The following VRK2 variants were observed in gnomAD, a reference collection of about 807,000 sequenced individuals.
The protein encoded by VRK2 is VRK serine/threonine kinase 2.
Under a neutral mutation model 57.6 loss-of-function variants are expected in VRK2, and 60 were observed. The observed-to-expected ratio is 1.04, with a 90% CI of 0.85 to 1.29. The LOEUF (loss-of-function observed/expected upper bound fraction) is 1.29, where lower values mean the gene tolerates loss of function less well. Among genes scored for constraint, VRK2 ranks in the 50% most tolerant of loss-of-function variants. The pLI, the probability that VRK2 is intolerant of heterozygous loss-of-function variation, is 0.00. For missense variants in VRK2, 705 were observed against 588.1 expected (o/e 1.20, Z -2.06); for synonymous variants, 231 against 199.2 (o/e 1.16, Z -1.35).
intron 3 of VRK2, among the ~76,000 whole-genome samples, chr2:58,038,150 G>A (rs1474995781): frequency 6.6e-6 from 1 of 152,128 alleles, no homozygotes; most frequent in Non-Finnish European, 1.5e-5. Context: ...ATCCTCAGGT[G>A]TTGAGGGAGA....
intron 2 of VRK2, among the ~76,000 whole-genome samples, chr2:58,083,394 T>C (rs1049270876): frequency 5.9e-5 from 9 of 151,842 alleles, no homozygotes; most frequent in African/African-American, 1.9e-4. Context: ...GATTAATTTG[T>C]TTTAAAATGT....
intron 8 of VRK2, among the ~76,000 whole-genome samples, chr2:58,125,007 G>A (rs1444378778): frequency 6.6e-6 from 1 of 152,046 alleles, no homozygotes; most frequent in Non-Finnish European, 1.5e-5. Context: ...AGAAATGTAA[G>A]AATTAAATAT....
At chr2:58,113,365 A>G (rs895148230) in intron 7 of VRK2, among the ~76,000 whole-genome samples, 2 of 151,966 alleles carry the variant, frequency 1.3e-5, no homozygotes, top group African/African-American at 4.8e-5. Flanking sequence ...ACTTCCCTTA[A>G]TCAGATGATG....
chr2:58,098,585 A>G (rs571798615), intron 7 of VRK2, among the ~76,000 whole-genome samples: 10 of 152,070 alleles, frequency 6.6e-5, no homozygotes, highest in East Asian at 5.8e-4. Flanking sequence ...AGTATTTACT[A>G]TAGTAACATG....
chr2:58,003,685 T>C (rs764846763), intron 1 of VRK2, among the ~76,000 whole-genome samples: 6 of 152,176 alleles, frequency 3.9e-5, no homozygotes, highest in Non-Finnish European at 8.8e-5. Context: ...GTGCATTGCA[T>C]TCTCAAAAGC....
chr2:58,126,934 G>A lies in VRK2; in HGVS notation c.676+3701G>A, dbSNP rs531999375. 6.6e-5 allele frequency among the ~76,000 whole-genome samples: 10 copies of A among 152,124 alleles called. No homozygotes were observed. The East Asian group carries it at 1.4e-3, about 21-fold the overall frequency. ...ATTTTTGTAGATTTTTCTACTCACT[G>A]AGGCATGCAGTCAATACCTAATTTC... On this transcript the variant is annotated intron_variant, in intron 8 of 12. Transcript: ENST00000340157.
chr2:58,137,248 T>TG (rs1680663488), intron 10 of VRK2, among the ~76,000 whole-genome samples: 2 of 135,264 alleles, frequency 1.5e-5, no homozygotes, highest in African/African-American at 6.3e-5. Context: ...ATATCATATA[T>TG]ATGATATATA....
chr2:57,921,290 A>ATG (rs1558493560), intron 1 of VRK2, among the ~76,000 whole-genome samples: 1 of 143,994 alleles, frequency 6.9e-6, no homozygotes, highest in Non-Finnish European at 1.5e-5. Flanking sequence ...AAGCGCGCAC[A>ATG]CACACACACA....
intron 2 of VRK2, among the ~76,000 whole-genome samples, chr2:58,062,818 T>C (rs138041312): frequency 1.3e-5 from 2 of 152,180 alleles, no homozygotes; most frequent in Non-Finnish European, 2.9e-5. Context: ...CAAGTGCTGA[T>C]GTAGAAGCTG....
chr2:57,949,235 T>C lies in VRK2; in HGVS notation c.-439+41396T>C, dbSNP rs1422611030. On this transcript the variant is annotated intron_variant, in intron 1 of 15. Coordinates refer to the VRK2 transcript ENST00000417641. The stretch of plus-strand genomic sequence containing the variant: ...GCTCTGATAATGATTACAAGTTATA[T>C]TCAGGTATACCCTGTTTTATTGCAC... 3.3e-5 allele frequency among the ~76,000 whole-genome samples: 5 copies of C among 152,214 alleles called. No homozygotes were observed. The East Asian group carries it at 9.6e-4, about 29-fold the overall frequency.
intron 1 of VRK2, among the ~76,000 whole-genome samples, chr2:57,997,764 G>A (rs77662793): frequency 0.042 from 6,375 of 152,092 alleles, 429 homozygotes; most frequent in African/African-American, 0.15. Flanking sequence ...CAATGGTGGG[G>A]TGCGCCTGTG....
At chr2:58,084,636 A>G (rs1671357812) in intron 3 of VRK2, among the ~76,000 whole-genome samples, 1 of 151,818 alleles carries the variant, frequency 6.6e-6, no homozygotes, top group Non-Finnish European at 1.5e-5. Flanking sequence ...CTGTAAGAAA[A>G]CTACTTTTAT....
intron 1 of VRK2, among the ~76,000 whole-genome samples, chr2:58,025,472 T>C (rs1027195794): frequency 3.3e-5 from 5 of 152,174 alleles, no homozygotes; most frequent in Non-Finnish European, 7.4e-5. Flanking sequence ...AAGAGAATCA[T>C]AGGCTAGTTT....
At chr2:58,028,684 A>C (rs1359225782) in intron 2 of VRK2, among the ~76,000 whole-genome samples, 1 of 151,364 alleles carries the variant, frequency 6.6e-6, no homozygotes, top group East Asian at 2.0e-4. Context: ...GGAACTGAAC[A>C]ATGAGAACAC....
intron 1 of VRK2, among the ~76,000 whole-genome samples, chr2:58,008,226 C>A (rs1673313150): frequency 6.6e-6 from 1 of 151,756 alleles, no homozygotes; most frequent in African/African-American, 2.4e-5. Flanking sequence ...ACACTAGGGT[C>A]AAATAAGATC....
chr2:58,039,357 T>G (rs1337134846), intron 3 of VRK2, among the ~76,000 whole-genome samples: 1 of 152,168 alleles, frequency 6.6e-6, no homozygotes, highest in African/African-American at 2.4e-5. Flanking sequence ...CAGTCTCAGT[T>G]ATCTCAGAGC....
chr2:57,910,938 G>A (rs559238371), intron 1 of VRK2, among the ~76,000 whole-genome samples: 3 of 152,264 alleles, frequency 2.0e-5, no homozygotes, highest in African/African-American at 7.2e-5. Flanking sequence ...TTGCAGACTA[G>A]GCCCAAATGC....
intron 1 of VRK2, among the ~76,000 whole-genome samples, chr2:57,943,320 G>A (rs1031492899): frequency 6.6e-6 from 1 of 152,170 alleles, no homozygotes; most frequent in African/African-American, 2.4e-5. Flanking sequence ...CCAATTTTAT[G>A]GCAAATAGCA....
At chr2:57,948,272 A>G (rs1247614602) in intron 1 of VRK2, among the ~76,000 whole-genome samples, 1 of 152,198 alleles carries the variant, frequency 6.6e-6, no homozygotes, top group Non-Finnish European at 1.5e-5. Context: ...TAGTACTTCT[A>G]ATTAACATTT....
Sources: gnomAD v4.1 joint callset for allele counts (sites outside exome capture counted in the v4.1 genomes callset) on GRCh38, gnomAD v4.1.1 for gene constraint, MANE v1.5 for transcripts, NCBI Gene and HGNC (gene_info 2026-07-23, HGNC 2026-07-21) for gene names.